Variants in UNC13D observed in about 807,000 individuals in gnomAD.
The protein encoded by UNC13D is unc-13 homolog D.
Under a neutral mutation model 151.7 loss-of-function variants are expected in UNC13D, and 115 were observed. That is an observed-to-expected ratio of 0.76 (90% CI 0.65 to 0.88). The LOEUF (loss-of-function observed/expected upper bound fraction) is 0.88, where lower values mean the gene tolerates loss of function less well. UNC13D is among the 40% of genes least tolerant of loss of function. The pLI, the probability that UNC13D is intolerant of heterozygous loss-of-function variation, is 0.00. For synonymous variants in UNC13D, 588 were observed against 612.2 expected (o/e 0.96, Z 0.58); for missense variants, 1,369 against 1,438.7 (o/e 0.95, Z 0.78).
In UNC13D at chr17:75,834,403, C is replaced by T. The variant is rs758676065; in HGVS notation, c.2220G>A (p.Thr740=). 7.6e-6 allele frequency: 12 copies of T among 1,585,534 alleles called. No individual in the cohort carries two copies. The highest frequency in any genetic ancestry group is 1.1e-5 in the South Asian group (1 of 88,910). ...GCGCGCTCTGCAGCTGGGCATGCAG[C>T]GTGTTCTGCAGCTGCCCCTGCTCCA... ...AVLEQGQLQN[T]LHAQLQSALA... The change falls in exon 23 of 32, where the codon ACG becomes ACA. Residue 740 remains threonine, a synonymous_variant. Transcript: ENST00000207549.
Position 75,843,225 on chromosome 17 carries a change from G to T in UNC13D, c.195C>A (p.His65Gln), listed in dbSNP as rs1036402374. Residue 65 changes from histidine to glutamine, a missense_variant, in exon 3 of 32, where the codon CAC becomes CAA. Physicochemically the swap from His to Gln is conservative, Grantham distance 24. Around this residue, in one of 3 missense-constraint regions of UNC13D, gnomAD observed 550 missense variants for 609.0 expected, o/e 0.90. Transcript: ENST00000207549. ...LYEDALYTVL[H>Q]RLGHPEPNHV... ...GGTTGGGCTCAGGATGACCCAGGCG[G>T]TGCAAGACAGTGTAGAGTGCGTCCT... is the stretch of plus-strand genomic sequence containing the variant. 26 of 1,611,148 alleles carry T rather than the reference G, an allele frequency of 1.6e-5. No homozygotes were observed. Among genetic ancestry groups the T allele is most frequent in the Non-Finnish European group, 2.0e-5 (24 of 1,179,960 alleles).
At chr17:75,841,337 G>A (rs542306287) in intron 6 of UNC13D, among the ~76,000 whole-genome samples, 2 of 151,136 alleles carry the variant, frequency 1.3e-5, no homozygotes, top group African/African-American at 4.9e-5. Flanking sequence ...TAGAGACGGG[G>A]TTTCACTGTG....
At chr17:75,843,298 A>ACCAG in intron 2 of UNC13D, 32 bp from the exon 3 acceptor site, 1 of 1,598,886 alleles carries the variant, frequency 6.3e-7, no homozygotes, top group South Asian at 1.1e-5. Flanking sequence ...TGGGGACCCC[A>ACCAG]CCAGCCACCC....
chr17:75,836,718 T>A (rs767287153), intron 13 of UNC13D, 22 bp from the exon 14 acceptor site: 6 of 1,613,470 alleles, frequency 3.7e-6, no homozygotes, highest in Non-Finnish European at 3.4e-6. Context: ...GGAGATGCTT[T>A]AGGGGCCTAG....
At position 75,839,869 on chromosome 17, in the gene UNC13D, T is replaced by C. The variant is rs1234230863; in HGVS notation, c.1025A>G (p.Lys342Arg). 2 of 1,613,806 alleles carry C rather than the reference T, an allele frequency of 1.2e-6. No individual in the cohort carries two copies. Among genetic ancestry groups the C allele is most frequent in the Non-Finnish European group, 1.7e-6 (2 of 1,180,010 alleles). ...ATVLFLHATQ[K>R]DLSDFHQSMA... ...GGACTGGTGGAAGTCGGATAGGTCC[T>C]TCTGTGTGGCGTGCAGAAAGAGGAC... The change falls in exon 12 of 32, where the codon AAG becomes AGG. Residue 342 changes from lysine (K) to arginine (R), a missense_variant. By Grantham distance (26) the Lys-to-Arg change is conservative. Transcript: ENST00000207549.
In UNC13D at chr17:75,833,063, G is replaced by A. The variant is rs903891314; in HGVS notation, c.2368-18C>T. The A allele has an allele frequency of 1.3e-6, 2 of 1,596,482 alleles. No homozygotes were observed. The highest frequency in any genetic ancestry group is 2.3e-5 in the East Asian group (1 of 44,328). ...AGAATGGCCTGGGGAGGGAGATGGG[G>A]AGCAGGTGTGGCTCCGGCCCATGTT... On this transcript the variant is annotated intron_variant, in intron 24 of 31. Coordinates refer to ENST00000207549, the MANE Select transcript of UNC13D (RefSeq NM_199242.3). The surrounding 1 kb of genome is among the most constrained non-coding windows in gnomAD (Gnocchi z 4.0).
chr17:75,841,243 C>T (rs2143895684), intron 6 of UNC13D: 1 of 465,656 alleles, frequency 2.1e-6, no homozygotes, highest in East Asian at 4.0e-5. Flanking sequence ...CTCCTGGGTT[C>T]AAGCAATTTT....
chr17:75,835,618 C>A (rs764582330), intron 19 of UNC13D, 29 bp downstream of exon 19: 1 of 1,612,940 alleles, frequency 6.2e-7, no homozygotes, highest in Admixed American at 1.7e-5. Context: ...TGTGCCCCTG[C>A]AGCCGCCCAC....
In UNC13D at chr17:75,836,926, G is replaced by A. The variant is rs766550767; in HGVS notation, c.1056-8C>T. The A allele has an allele frequency of 1.6e-5, 26 of 1,612,202 alleles. No individual in the cohort carries two copies. Among genetic ancestry groups the A allele is most frequent in the Non-Finnish European group, 2.2e-5 (26 of 1,179,928 alleles). On this transcript the variant is annotated splice_polypyrimidine_tract_variant and splice_region_variant and intron_variant, in intron 12 of 31. Coordinates refer to ENST00000207549, the MANE Select transcript of UNC13D (RefSeq NM_199242.3). ...CTGTAGGCCAGCCACTGCCTGCAGG[G>A]GACAGGAAGCCCTCAGCTGGACAGG... is the stretch of plus-strand genomic sequence containing the variant.
chr17:75,834,395 G>A lies in UNC13D; in HGVS notation c.2228C>T (p.Ala743Val). 6.3e-7 allele frequency: 1 copy of A among 1,588,828 alleles called. No homozygotes were observed. Among genetic ancestry groups the A allele is most frequent in the Non-Finnish European group, 8.5e-7 (1 of 1,175,170 alleles). ...EQGQLQNTLH[A>V]QLQSALAGLG... ...CCCGGCCAGCGCGCTCTGCAGCTGGGCATGCAGCGTGTTCTGCAGCTGCCC... is the reference window on the plus strand; with the variant it reads ...CCCGGCCAGCGCGCTCTGCAGCTGGACATGCAGCGTGTTCTGCAGCTGCCC... Residue 743 changes from alanine (A) to valine (V), a missense_variant, in exon 23 of 32, where the codon GCC becomes GTC. Ala to Val is a moderately conservative substitution (Grantham distance 64). Transcript: ENST00000207549.
At chr17:75,841,752 T>G (rs1375923018) in intron 6 of UNC13D, among the ~76,000 whole-genome samples, 1 of 135,744 alleles carries the variant, frequency 7.4e-6, no homozygotes, top group Non-Finnish European at 1.5e-5. Flanking sequence ...CCCCACTAAT[T>G]TTTTTTTTTT....
chr17:75,835,770 T>C lies in UNC13D; in HGVS notation c.1604A>G (p.Lys535Arg). 1 of 1,613,926 alleles carries C rather than the reference T, an allele frequency of 6.2e-7. No individual in the cohort carries two copies. The highest frequency in any genetic ancestry group is 1.3e-5 in the African/African-American group (1 of 75,064). Reference protein sequence around the residue: ...AFRELQWLVAKRVQDHTTVVG... With the variant: ...AFRELQWLVARRVQDHTTVVG... ...AACCGTCGTGTGGTCCTGCACCCGCTTGGCCACCTGCAAAGGAAAGGTGTG... is the reference window on the plus strand; with the variant it reads ...AACCGTCGTGTGGTCCTGCACCCGCCTGGCCACCTGCAAAGGAAAGGTGTG... The change falls in exon 19 of 32, where the codon AAG (lysine) becomes AGG (arginine). Residue 535 changes from lysine to arginine, a missense_variant. Transcript: ENST00000207549.
intron 3 of UNC13D, 29 bp from the exon 4 acceptor site, chr17:75,843,102 TG>T: frequency 1.3e-6 from 1 of 777,782 alleles, no homozygotes; most frequent in Non-Finnish European, 2.1e-6. Flanking sequence ...GGTGGGTGGC[TG>T]GGGGCACCAG....
At position 75,827,968 on chromosome 17, in the gene UNC13D, C is replaced by T. The variant is rs545430645; in HGVS notation, c.3270G>A (p.Pro1090=). Reference sequence around the variant, plus strand: ...GCCCCACCGCAAACCTCTACGGCTACGGTGCCGGCCGCAAGGCATGCTGGG... The same window carrying T: ...GCCCCACCGCAAACCTCTACGGCTATGGTGCCGGCCGCAAGGCATGCTGGG... ...QASQHALRPA[P] Residue 1090 remains proline, a synonymous_variant, in exon 32 of 32, where the codon CCG becomes CCA. Coordinates refer to ENST00000207549, the MANE Select transcript of UNC13D (RefSeq NM_199242.3). 3.9e-5 allele frequency: 62 copies of T among 1,607,066 alleles called. No homozygotes were observed. In the East Asian group the frequency reaches 1.0e-3, roughly 27 times the overall value.
At chr17:75,842,791 G>C in intron 5 of UNC13D, 66 bp downstream of exon 5, 1 of 1,605,320 alleles carries the variant, frequency 6.2e-7, no homozygotes, top group Middle Eastern at 1.7e-4. Flanking sequence ...AGAGTCCTGG[G>C]CCAGGCTGTG....
At chr17:75,837,108 C>A (rs111858120) in intron 12 of UNC13D, among the ~76,000 whole-genome samples, 190 bp from the exon 13 acceptor site, 3,140 of 151,338 alleles carry the variant, frequency 0.021, 35 homozygotes, top group South Asian at 0.027. Context: ...CTCCGTCACC[C>A]AGGCTGGAGT....
At chr17:75,841,130 C>T in intron 6 of UNC13D, 129 bp from the exon 7 acceptor site, 1 of 669,686 alleles carries the variant, frequency 1.5e-6, no homozygotes, top group Admixed American at 2.9e-5. Context: ...CTCCCAGCCG[C>T]ATCCCTTTTT....
chr17:75,842,983 C>A, intron 4 of UNC13D, 31 bp downstream of exon 4: 1 of 1,612,988 alleles, frequency 6.2e-7, no homozygotes, highest in Non-Finnish European at 8.5e-7. Flanking sequence ...CAGGCCCCTC[C>A]TTGCCCAGGG....
chr17:75,834,300 G>C (rs778714330), intron 23 of UNC13D, 25 bp downstream of exon 23: 2 of 1,591,406 alleles, frequency 1.3e-6, no homozygotes, highest in South Asian at 2.2e-5. Flanking sequence ...ATGGGATGGG[G>C]TGACTGTGCG....
Sources: allele counts gnomAD v4.1 joint callset (sites outside exome capture counted in the v4.1 genomes callset), GRCh38; gene constraint gnomAD v4.1.1; regional missense constraint gnomAD v4.1.1; non-coding constraint Gnocchi (gnomAD v3.1); transcripts MANE v1.5; gene names NCBI Gene and HGNC (gene_info 2026-07-23, HGNC 2026-07-21).